Variants in MARCHF1 observed in about 807,000 individuals in gnomAD.
MARCHF1 encodes the protein membrane associated ring-CH-type finger 1, also known as E3 ubiquitin-protein ligase MARCHF1.
A neutral mutation model predicts 54.2 loss-of-function variants in MARCHF1; 40 were observed. That is an observed-to-expected ratio of 0.74 (90% CI 0.57 to 0.96). The LOEUF is 0.96. Among genes scored for constraint, MARCHF1 ranks in the 40% least tolerant of loss-of-function variants. The pLI is 0.00. For synonymous variants in MARCHF1, 236 were observed against 236.3 expected (o/e 1.00, Z 0.01); for missense variants, 586 against 656.5 (o/e 0.89, Z 1.17).
chr4:164,326,957 T>TTGTGTGTGTGTGTGTGTGTGTGTG (rs370504086), intron 1 of MARCHF1, among the ~76,000 whole-genome samples: 11 of 133,718 alleles, frequency 8.2e-5, no homozygotes, highest in East Asian at 2.2e-4. Flanking sequence ...GTTGTAAGGA[T>TTGTGTGTGTGTGTGTGTGTGTGTG]TGTGTGTGTG....
intron 2 of MARCHF1, among the ~76,000 whole-genome samples, chr4:164,028,637 C>A (rs989675295): frequency 6.6e-6 from 1 of 152,090 alleles, no homozygotes; most frequent in Non-Finnish European, 1.5e-5. Flanking sequence ...ATGCTCACTA[C>A]CTGGGTGATG....
chr4:163,827,354 C>T (rs541961508), intron 4 of MARCHF1, among the ~76,000 whole-genome samples: 41 of 152,162 alleles, frequency 2.7e-4, no homozygotes, highest in Non-Finnish European at 5.3e-4. Flanking sequence ...CTGAAGACTA[C>T]AGCACATGAC....
chr4:164,165,735 G>A (rs955595475), intron 1 of MARCHF1, among the ~76,000 whole-genome samples: 1 of 151,986 alleles, frequency 6.6e-6, no homozygotes, highest in African/African-American at 2.4e-5. Flanking sequence ...GGTGGGCATT[G>A]AGAGGATGTG....
At chr4:164,312,610 C>G (rs1734888799) in intron 1 of MARCHF1, among the ~76,000 whole-genome samples, 3 of 151,892 alleles carry the variant, frequency 2.0e-5, no homozygotes, top group Admixed American at 6.6e-5. Context: ...GGTGAGCCAC[C>G]GCACCCGGCC....
chr4:163,572,718 T>A (rs981297251), intron 8 of MARCHF1, among the ~76,000 whole-genome samples: 1 of 152,118 alleles, frequency 6.6e-6, no homozygotes. Flanking sequence ...TTACTTTGTT[T>A]CATGTTTCCA....
rs559799244 is a variant in MARCHF1, at chr4:163,879,657, A to G, written c.-38-25488T>C. Among the ~76,000 whole-genome samples the G allele has an allele frequency of 9.2e-5, 14 of 152,092 alleles. No individual in the cohort carries two copies. In the South Asian group the frequency reaches 2.7e-3, roughly 29 times the overall value. On this transcript the variant is annotated intron_variant, in intron 3 of 9. Transcript: ENST00000514618. ...AGTGTTATATCAAACTGCAAACGAT[A>G]ATTACTAGGAAAGTGGACTATGGAA...
intron 5 of MARCHF1, among the ~76,000 whole-genome samples, chr4:163,640,224 G>C (rs543749738): frequency 3.3e-5 from 5 of 152,116 alleles, no homozygotes; most frequent in Non-Finnish European, 7.4e-5. Context: ...GAGTACAGCA[G>C]AAAAAGCTGG....
intron 3 of MARCHF1, among the ~76,000 whole-genome samples, chr4:163,975,537 T>G (rs1277362601): frequency 6.6e-6 from 1 of 152,110 alleles, no homozygotes. Flanking sequence ...TAACCTCAAA[T>G]TAGAAAAAAT....
chr4:163,699,783 A>G (rs1272734077), intron 5 of MARCHF1, among the ~76,000 whole-genome samples: 1 of 152,164 alleles, frequency 6.6e-6, no homozygotes, highest in East Asian at 1.9e-4. Context: ...AAATGACTCT[A>G]AATTACTTTT....
At chr4:164,289,443 C>G (rs551872834) in intron 1 of MARCHF1, among the ~76,000 whole-genome samples, 2 of 152,004 alleles carry the variant, frequency 1.3e-5, no homozygotes, top group East Asian at 3.9e-4. Flanking sequence ...TATGGACTTT[C>G]ATAATCATTA....
At chr4:163,878,844 G>C (rs1345852711) in intron 3 of MARCHF1, among the ~76,000 whole-genome samples, 4 of 152,156 alleles carry the variant, frequency 2.6e-5, no homozygotes, top group Non-Finnish European at 4.4e-5. Context: ...GAGTAATTAG[G>C]TAAGTTTATT....
chr4:164,324,800 G>A (rs1294122113), intron 1 of MARCHF1, among the ~76,000 whole-genome samples: 1 of 151,240 alleles, frequency 6.6e-6, no homozygotes, highest in Non-Finnish European at 1.5e-5. Context: ...AAATGATTGA[G>A]GAAGAGATCA....
chr4:163,887,477 C>T (rs985855623), intron 3 of MARCHF1, among the ~76,000 whole-genome samples: 1 of 152,104 alleles, frequency 6.6e-6, no homozygotes, highest in Admixed American at 6.6e-5. Flanking sequence ...CCAGCAGCAC[C>T]AGCATAATTA....
chr4:163,789,670 A>G (rs999238981), intron 4 of MARCHF1, among the ~76,000 whole-genome samples: 2 of 152,036 alleles, frequency 1.3e-5, no homozygotes, highest in African/African-American at 4.8e-5. Flanking sequence ...ATATCAGATG[A>G]TTTTGATACA....
At chr4:163,536,851 C>T (rs773167969) in intron 9 of MARCHF1, among the ~76,000 whole-genome samples, 8 of 152,064 alleles carry the variant, frequency 5.3e-5, no homozygotes, top group Non-Finnish European at 8.8e-5. Flanking sequence ...ATCAGTTTCC[C>T]CTGCCCACAC....
At position 163,569,148 on chromosome 4, in the gene MARCHF1, G is replaced by C. The variant is rs575931771; in HGVS notation, c.1191+16601C>G. Among the ~76,000 whole-genome samples, 233 of 152,136 alleles carry C rather than the reference G, an allele frequency of 1.5e-3. No homozygotes were observed. The Middle Eastern group carries it at 0.017, about 11-fold the overall frequency. On this transcript the variant is annotated intron_variant, in intron 8 of 9. Coordinates refer to ENST00000514618, the MANE Select transcript of MARCHF1 (RefSeq NM_001394959.1). ...ATGCTGCATAGCAATCTGTGTACAC[G>C]GTCTTTTGGAACACACATTTCAACA... is the stretch of plus-strand genomic sequence containing the variant.
chr4:164,152,190 T>C (rs1729960969), intron 1 of MARCHF1, among the ~76,000 whole-genome samples: 1 of 152,192 alleles, frequency 6.6e-6, no homozygotes, highest in Admixed American at 6.5e-5. Context: ...TTTCAGGTGG[T>C]GATACTTGGT....
chr4:164,098,086 T>C (rs1755454739), intron 2 of MARCHF1, among the ~76,000 whole-genome samples: 1 of 152,164 alleles, frequency 6.6e-6, no homozygotes, highest in South Asian at 2.1e-4. Context: ...AGAGCTGACA[T>C]GAGTTACAAC....
At chr4:163,813,867 G>A (rs780660640) in intron 4 of MARCHF1, among the ~76,000 whole-genome samples, 2 of 152,112 alleles carry the variant, frequency 1.3e-5, no homozygotes, top group African/African-American at 2.4e-5. Flanking sequence ...CATGTCTGGG[G>A]TCCAGGGTCT....
Sources: gnomAD v4.1 joint callset for allele counts (sites outside exome capture counted in the v4.1 genomes callset) on GRCh38, gnomAD v4.1.1 for gene constraint, MANE v1.5 for transcripts, NCBI Gene and HGNC (gene_info 2026-07-23, HGNC 2026-07-21) for gene names.